The following TMEM132B variants were observed in gnomAD, a reference collection of about 807,000 sequenced individuals.
TMEM132B encodes transmembrane protein 132B.
A neutral mutation model predicts 90.8 loss-of-function variants in TMEM132B; 18 were observed. That is an observed-to-expected ratio of 0.20 (90% CI 0.14 to 0.29). TMEM132B has a LOEUF of 0.29. Ranked by LOEUF, TMEM132B falls within the 10% of genes least tolerant of loss-of-function variation. The pLI is 1.00. For missense variants in TMEM132B, 1,096 were observed against 1,326.8 expected (o/e 0.83, Z 2.70); for synonymous variants, 504 against 523.3 (o/e 0.96, Z 0.50).
rs114453017 is a variant in TMEM132B, at chr12:125,583,787, C to T, written c.1294-64C>T. 683 of 1,581,126 alleles carry T rather than the reference C, an allele frequency of 4.3e-4. 4 individuals are homozygous for T. The African/African-American group carries it at 8.2e-3, about 19-fold the overall frequency. On this transcript the variant is annotated intron_variant, in intron 4 of 8. Transcript: ENST00000682704. ...GGCAGTAGGGAGCTTGGTGGACACC[C>T]CTCTCCTGCTCGCCCCTGTGGTATG...
intron 3 of TMEM132B, among the ~76,000 whole-genome samples, chr12:125,461,096 T>C (rs574303454): frequency 6.6e-6 from 1 of 152,224 alleles, no homozygotes; most frequent in African/African-American, 2.4e-5. Context: ...GTGATCTCAG[T>C]GAGAAATAAT....
At chr12:125,325,974 A>C (rs1876552085) in intron 1 of TMEM132B, among the ~76,000 whole-genome samples, 1 of 151,952 alleles carries the variant, frequency 6.6e-6, no homozygotes, top group South Asian at 2.1e-4. Context: ...TTTGCTTTTC[A>C]TGGTGTTGAC....
chr12:125,227,903 T>C (rs12370510), intron 1 of TMEM132B, among the ~76,000 whole-genome samples: 5,486 of 152,196 alleles, frequency 0.036, 126 homozygotes, highest in Non-Finnish European at 0.049. Flanking sequence ...TGTTGCCCAG[T>C]GTTGCTCAGC....
At chr12:125,595,448 G>A (rs371990204) in intron 5 of TMEM132B, among the ~76,000 whole-genome samples, 26 of 152,170 alleles carry the variant, frequency 1.7e-4, no homozygotes, top group African/African-American at 6.3e-4. Context: ...GAACCTCAGA[G>A]ACAGGCTTTG....
intron 1 of TMEM132B, among the ~76,000 whole-genome samples, chr12:125,334,570 G>A (rs1334369873): frequency 2.0e-5 from 3 of 152,224 alleles, no homozygotes; most frequent in South Asian, 2.1e-4. Flanking sequence ...TTTGAAGCAA[G>A]TTCTGGTTTG....
At chr12:125,340,234 G>A (rs573169135) in intron 1 of TMEM132B, among the ~76,000 whole-genome samples, 5 of 152,162 alleles carry the variant, frequency 3.3e-5, no homozygotes, top group South Asian at 4.1e-4. Flanking sequence ...AGAGAATAGC[G>A]AAAAATGTGT....
chr12:125,592,925 G>T (rs1029919098), intron 5 of TMEM132B, among the ~76,000 whole-genome samples: 1 of 152,180 alleles, frequency 6.6e-6, no homozygotes, highest in Non-Finnish European at 1.5e-5. Context: ...TTTTGTTGTA[G>T]CAAGTCACAG....
chr12:125,448,102 A>G (rs969038164), intron 3 of TMEM132B, among the ~76,000 whole-genome samples: 1 of 152,086 alleles, frequency 6.6e-6, no homozygotes, highest in African/African-American at 2.4e-5. Flanking sequence ...CATCTCTACT[A>G]AAAATACAAA....
intron 3 of TMEM132B, among the ~76,000 whole-genome samples, chr12:125,428,549 C>A (rs1363686860): frequency 6.6e-6 from 1 of 152,032 alleles, no homozygotes; most frequent in African/African-American, 2.4e-5. Flanking sequence ...ATCAAATGAA[C>A]CTTTGAGTGG....
intron 2 of TMEM132B, among the ~76,000 whole-genome samples, chr12:125,353,952 T>C (rs1268317341): frequency 1.3e-5 from 2 of 152,214 alleles, no homozygotes; most frequent in African/African-American, 2.4e-5. Context: ...TGGACTTTAA[T>C]TCTGACTTGG....
intron 2 of TMEM132B, among the ~76,000 whole-genome samples, chr12:125,363,636 A>G (rs1325229339): frequency 6.6e-6 from 1 of 152,068 alleles, no homozygotes; most frequent in Non-Finnish European, 1.5e-5. Context: ...GCACTTTGCT[A>G]TGTGCTTTTT....
At chr12:125,231,360 C>T (rs1404202798) in intron 1 of TMEM132B, among the ~76,000 whole-genome samples, 2 of 152,214 alleles carry the variant, frequency 1.3e-5, no homozygotes, top group Non-Finnish European at 2.9e-5. Context: ...TCTGGGCGGA[C>T]ATGAGTTTTG....
chr12:125,524,167 C>G (rs921897831), intron 4 of TMEM132B, among the ~76,000 whole-genome samples: 29 of 152,218 alleles, frequency 1.9e-4, no homozygotes, highest in Admixed American at 1.9e-3. Flanking sequence ...GCAAGAGTAC[C>G]TCTTCTGTCT....
chr12:125,594,906 AT>A (rs1566084274), intron 5 of TMEM132B, among the ~76,000 whole-genome samples: 1 of 151,892 alleles, frequency 6.6e-6, no homozygotes, highest in African/African-American at 2.4e-5. Context: ...GAATTTATCA[AT>A]TTTTTTTCAA....
chr12:125,279,385 G>C (rs1340997589), intron 1 of TMEM132B, among the ~76,000 whole-genome samples: 1 of 152,192 alleles, frequency 6.6e-6, no homozygotes, highest in East Asian at 1.9e-4. Flanking sequence ...GTGTGTCTTG[G>C]TTCCTAGACT....
At chr12:125,416,810 C>A (rs1468258185) in intron 3 of TMEM132B, among the ~76,000 whole-genome samples, 1 of 152,212 alleles carries the variant, frequency 6.6e-6, no homozygotes, top group African/African-American at 2.4e-5. Context: ...TTCTCTACAT[C>A]TATCGACAGA....
At chr12:125,363,016 T>G (rs1339768621) in intron 2 of TMEM132B, among the ~76,000 whole-genome samples, 5 of 152,132 alleles carry the variant, frequency 3.3e-5, no homozygotes, top group Non-Finnish European at 7.3e-5. Flanking sequence ...AGTTTTTCAC[T>G]GGCACCTCAA....
intron 5 of TMEM132B, among the ~76,000 whole-genome samples, chr12:125,633,002 T>G (rs570481454): frequency 6.6e-6 from 1 of 152,276 alleles, no homozygotes; most frequent in East Asian, 1.9e-4. Context: ...TTACTCTACC[T>G]CCTCTTCGAA....
At chr12:125,291,170 C>G (rs1018035376) in intron 1 of TMEM132B, among the ~76,000 whole-genome samples, 6 of 152,192 alleles carry the variant, frequency 3.9e-5, no homozygotes, top group African/African-American at 1.4e-4. Flanking sequence ...AGCTAACTCT[C>G]TCTCTGCCAT....
Sources: gnomAD v4.1 joint callset for allele counts (sites outside exome capture counted in the v4.1 genomes callset) on GRCh38, gnomAD v4.1.1 for gene constraint, MANE v1.5 for transcripts, NCBI Gene and HGNC (gene_info 2026-07-23, HGNC 2026-07-21) for gene names.